FRMPD4: variants seen among roughly 807,000 people sequenced by gnomAD.
The protein encoded by FRMPD4 is FERM and PDZ domain containing 4.
In FRMPD4, 22 loss-of-function variants were observed where a neutral mutation model predicts 94.1. The observed-to-expected ratio is 0.23, with a 90% confidence interval of 0.17 to 0.33. FRMPD4 has a LOEUF of 0.33. FRMPD4 is among the 10% of genes least tolerant of loss of function. FRMPD4 has a pLI of 1.00. For synonymous variants in FRMPD4, 631 were observed against 548.6 expected (o/e 1.15, Z -2.10); for missense variants, 1,111 against 1,339.9 (o/e 0.83, Z 2.67).
intron 1 of FRMPD4, among the ~76,000 whole-genome samples, chrX:12,457,979 C>T (rs1018803145): frequency 9.0e-6 from 1 of 111,671 alleles, no homozygotes; most frequent in Non-Finnish European, 1.9e-5. Context: ...CCCTCCATCA[C>T]TTAATGATAA....
intron 1 of FRMPD4, among the ~76,000 whole-genome samples, chrX:12,227,118 C>T (rs1432649582): frequency 9.0e-6 from 1 of 110,969 alleles, no homozygotes; most frequent in Non-Finnish European, 1.9e-5. Flanking sequence ...CAAAATATAA[C>T]ACAAAAGGGA....
At chrX:12,289,544 G>A (rs1365043115) in intron 1 of FRMPD4, among the ~76,000 whole-genome samples, 2 of 111,751 alleles carry the variant, frequency 1.8e-5, no homozygotes, top group African/African-American at 6.5e-5. Flanking sequence ...AAGTTCTGTT[G>A]AGAAGTGCTA....
intron 3 of FRMPD4, among the ~76,000 whole-genome samples, chrX:11,924,182 C>T (rs1258708879): frequency 8.9e-6 from 1 of 111,843 alleles, no homozygotes; most frequent in African/African-American, 3.3e-5. Context: ...AAAAGAATTT[C>T]AGAGCTTGAA....
At chrX:12,660,008 G>GA (rs1258753764) in intron 4 of FRMPD4, among the ~76,000 whole-genome samples, 25 of 111,987 alleles carry the variant, frequency 2.2e-4, no homozygotes, top group African/African-American at 8.1e-4. Context: ...TTGAAATGAT[G>GA]CAATTTCATC....
At chrX:11,855,582 C>A (rs926752388) in intron 1 of FRMPD4, among the ~76,000 whole-genome samples, 1 of 112,188 alleles carries the variant, frequency 8.9e-6, no homozygotes, top group Non-Finnish European at 1.9e-5. Context: ...AGGGCAGGGG[C>A]AAAATGCCAT....
At chrX:11,880,605 C>T in intron 3 of FRMPD4, among the ~76,000 whole-genome samples, 1 of 111,510 alleles carries the variant, frequency 9.0e-6, no homozygotes, top group Non-Finnish European at 1.9e-5. Flanking sequence ...TAACACAAAG[C>T]TTAGTATAAA....
At chrX:12,351,776 T>C (rs753276374) in intron 1 of FRMPD4, among the ~76,000 whole-genome samples, 7 of 112,913 alleles carry the variant, frequency 6.2e-5, no homozygotes, top group Non-Finnish European at 9.4e-5. Flanking sequence ...ATTTAGTTTC[T>C]TTCACGCAAC....
chrX:12,116,498 T>A (rs185639255), intron 3 of FRMPD4, among the ~76,000 whole-genome samples: 3 of 112,247 alleles, frequency 2.7e-5, no homozygotes, highest in African/African-American at 9.7e-5. Flanking sequence ...ATAGCCTTTC[T>A]AAGTTGGGGA....
intron 3 of FRMPD4, among the ~76,000 whole-genome samples, chrX:11,926,386 TC>T (rs1158447485): frequency 9.2e-6 from 1 of 108,937 alleles, no homozygotes; most frequent in Non-Finnish European, 1.9e-5. Context: ...GAGGAGAGAC[TC>T]CACACTAATT....
At chrX:12,437,331 T>TACACACACACACAAAC (rs1194204246) in intron 1 of FRMPD4, among the ~76,000 whole-genome samples, 1 of 111,427 alleles carries the variant, frequency 9.0e-6, no homozygotes, top group Non-Finnish European at 1.9e-5. Context: ...TCCAATTTAT[T>TACACACACACACAAAC]ACACACACAC....
At chrX:11,923,983 C>T (rs1027744020) in intron 3 of FRMPD4, among the ~76,000 whole-genome samples, 1 of 111,819 alleles carries the variant, frequency 8.9e-6, no homozygotes, top group Non-Finnish European at 1.9e-5. Flanking sequence ...GAATTAAGAT[C>T]ATCAGCTATA....
rs181520967 is a variant in FRMPD4, at chrX:12,166,085, A to G, written c.41+27073A>G. On this transcript the variant is annotated intron_variant, in intron 1 of 16. Coordinates refer to ENST00000675598, the MANE Select transcript of FRMPD4 (RefSeq NM_001368397.1). ...TGCCCTGGCCAGTACTTCCAACACT[A>G]TGTTGAATAGGAGTGGTGAGAGAGG... Among the ~76,000 whole-genome samples the G allele has an allele frequency of 5.3e-3, 596 of 111,838 alleles. 9 individuals carry two copies. The highest frequency in any genetic ancestry group is 0.018 in the African/African-American group (558 of 30,747).
chrX:11,987,086 G>A (rs1366611050), intron 3 of FRMPD4, among the ~76,000 whole-genome samples: 1 of 56,764 alleles, frequency 1.8e-5, no homozygotes, highest in African/African-American at 8.7e-5. Flanking sequence ...CCAAGACCAG[G>A]CAAAGACACA....
At chrX:12,215,067 T>C (rs1470095309) in intron 1 of FRMPD4, among the ~76,000 whole-genome samples, 1 of 111,888 alleles carries the variant, frequency 8.9e-6, no homozygotes, top group African/African-American at 3.2e-5. Flanking sequence ...CCCCGTTGAG[T>C]TGAACAATAT....
intron 1 of FRMPD4, among the ~76,000 whole-genome samples, chrX:12,139,703 G>A (rs184144845): frequency 3.6e-5 from 4 of 111,887 alleles, no homozygotes; most frequent in Non-Finnish European, 7.5e-5. Context: ...CGCTTGGGCC[G>A]CCTAGGTGTT....
chrX:12,055,747 G>C (rs765882127), intron 3 of FRMPD4, among the ~76,000 whole-genome samples: 2 of 111,922 alleles, frequency 1.8e-5, no homozygotes, highest in East Asian at 5.6e-4. Flanking sequence ...AAAGGCCACA[G>C]GTCAGGAAGA....
intron 2 of FRMPD4, among the ~76,000 whole-genome samples, chrX:12,598,259 A>G (rs1001860882): frequency 3.6e-5 from 4 of 110,442 alleles, no homozygotes; most frequent in African/African-American, 1.3e-4. Flanking sequence ...AGATTTCTCC[A>G]TGAAAGAGTG....
At chrX:12,203,580 T>A (rs2056655693) in intron 1 of FRMPD4, among the ~76,000 whole-genome samples, 1 of 112,095 alleles carries the variant, frequency 8.9e-6, no homozygotes, top group African/African-American at 3.2e-5. Context: ...TTTCCAGACT[T>A]TCAGCCCTAG....
At chrX:12,613,716 G>C (rs1415362509) in intron 3 of FRMPD4, among the ~76,000 whole-genome samples, 1 of 112,183 alleles carries the variant, frequency 8.9e-6, no homozygotes, top group Admixed American at 9.4e-5. Context: ...AGGGGCTCAC[G>C]CCTGTAATCC....
Sources: allele counts gnomAD v4.1 joint callset (sites outside exome capture counted in the v4.1 genomes callset), GRCh38; gene constraint gnomAD v4.1.1; transcripts MANE v1.5; gene names NCBI Gene and HGNC (gene_info 2026-07-23, HGNC 2026-07-21).